GMDS: variants seen among roughly 807,000 people sequenced by gnomAD.
The protein encoded by GMDS is GDP-mannose 4,6 dehydratase.
A neutral mutation model predicts 49.9 loss-of-function variants in GMDS; 20 were observed. The observed-to-expected ratio is 0.40, with a 90% CI of 0.28 to 0.58. The LOEUF (loss-of-function observed/expected upper bound fraction) is 0.58, where lower values mean the gene tolerates loss of function less well. Among genes scored for constraint, GMDS ranks in the 20% least tolerant of loss-of-function variants. The pLI is 0.42. For synonymous variants in GMDS, 177 were observed against 178.6 expected, an observed-to-expected ratio of 0.99 and a Z score of 0.07; for missense variants, 362 against 481.4, an observed-to-expected ratio of 0.75 and a Z score of 2.32.
intron 8 of GMDS, among the ~76,000 whole-genome samples, chr6:1,741,886 T>C (rs1016136175): frequency 2.6e-5 from 3 of 117,404 alleles, no homozygotes; most frequent in Admixed American, 1.7e-4. Flanking sequence ...AAAAGTAAAA[T>C]AAAATAGTAT....
intron 4 of GMDS, among the ~76,000 whole-genome samples, chr6:2,072,332 CCTCGTGAATATTTGAAGAAAAGTAAGATA>C (rs1274840608): frequency 2.0e-5 from 3 of 152,188 alleles, no homozygotes; most frequent in Non-Finnish European, 2.9e-5. Context: ...AACAGTTACT[CCTCGTGAATATTTGAAGAAAAGTAAGATA>C]TCTACAAAGG....
intron 7 of GMDS, among the ~76,000 whole-genome samples, chr6:1,813,674 T>C (rs1397264282): frequency 6.6e-6 from 1 of 152,190 alleles, no homozygotes; most frequent in Admixed American, 6.5e-5. Flanking sequence ...ATGCGACACG[T>C]AAGGTCTTCA....
At chr6:1,738,031 CCACACA>C in intron 8 of GMDS, among the ~76,000 whole-genome samples, 1 of 145,198 alleles carries the variant, frequency 6.9e-6, no homozygotes, top group African/African-American at 2.6e-5. Context: ...CATACACACA[CCACACA>C]CACACACCAC....
At chr6:1,706,396 A>C (rs1191301346) in intron 9 of GMDS, among the ~76,000 whole-genome samples, 1 of 152,128 alleles carries the variant, frequency 6.6e-6, no homozygotes, top group African/African-American at 2.4e-5. Context: ...GGAAGTGTCC[A>C]TGCTGTTCTG....
At chr6:1,713,517 T>TC (rs1481361876) in intron 9 of GMDS, among the ~76,000 whole-genome samples, 2 of 149,404 alleles carry the variant, frequency 1.3e-5, no homozygotes, top group Non-Finnish European at 3.0e-5. Context: ...CTGACGGCCA[T>TC]CCCCATCCTA....
In GMDS at chr6:2,020,000, T is replaced by C. The variant is rs563034302; in HGVS notation, c.346-59034A>G. On this transcript the variant is annotated intron_variant, in intron 4 of 10. Coordinates refer to ENST00000380815, the MANE Select transcript of GMDS (RefSeq NM_001500.4). ...GATTCAATCTGTTAATATTTTGTTTTGGATTTTTGCATCTATTCAGAAAAG... is the reference window on the plus strand; with the variant it reads ...GATTCAATCTGTTAATATTTTGTTTCGGATTTTTGCATCTATTCAGAAAAG... 7.6e-4 allele frequency among the ~76,000 whole-genome samples: 116 copies of C among 152,332 alleles called. 1 individual carries two copies. The highest frequency in any genetic ancestry group is 1.4e-3 in the Non-Finnish European group (98 of 68,034).
At chr6:2,105,076 G>A (rs1202034096) in intron 4 of GMDS, among the ~76,000 whole-genome samples, 1 of 151,688 alleles carries the variant, frequency 6.6e-6, no homozygotes, top group Non-Finnish European at 1.5e-5. Flanking sequence ...CAGCGACTCG[G>A]GAGGCTGAGG....
intron 4 of GMDS, among the ~76,000 whole-genome samples, chr6:2,023,000 T>C (rs957083497): frequency 3.3e-5 from 5 of 152,186 alleles, no homozygotes; most frequent in African/African-American, 1.2e-4. Flanking sequence ...TTTATTTCAT[T>C]AAATACACAG....
intron 1 of GMDS, among the ~76,000 whole-genome samples, chr6:2,240,709 C>G (rs1477131553): frequency 6.6e-6 from 1 of 152,026 alleles, no homozygotes; most frequent in East Asian, 1.9e-4. Context: ...TGAACGGTAC[C>G]TGGCACAAAC....
chr6:1,876,310 C>A (rs1759058681), intron 7 of GMDS, among the ~76,000 whole-genome samples: 1 of 151,998 alleles, frequency 6.6e-6, no homozygotes, highest in South Asian at 2.1e-4. Flanking sequence ...ACTATGTTTT[C>A]TGCTATGCTC....
At chr6:1,678,964 C>T (rs1226698476) in intron 9 of GMDS, among the ~76,000 whole-genome samples, 1 of 152,196 alleles carries the variant, frequency 6.6e-6, no homozygotes, top group African/African-American at 2.4e-5. Context: ...GAATATGATT[C>T]TGACAGCAAA....
chr6:2,205,055 T>C (rs1779738372), intron 1 of GMDS, among the ~76,000 whole-genome samples: 1 of 152,236 alleles, frequency 6.6e-6, no homozygotes, highest in Non-Finnish European at 1.5e-5. Context: ...ATGACATTTA[T>C]TGAGCATTTG....
chr6:2,180,974 T>A (rs938947091), intron 1 of GMDS, among the ~76,000 whole-genome samples: 1 of 152,016 alleles, frequency 6.6e-6, no homozygotes, highest in East Asian at 1.9e-4. Flanking sequence ...GAGACCATCC[T>A]GGCTAAAACA....
At chr6:1,647,521 GAT>G (rs1443432409) in intron 9 of GMDS, among the ~76,000 whole-genome samples, 1 of 152,210 alleles carries the variant, frequency 6.6e-6, no homozygotes, top group Non-Finnish European at 1.5e-5. Context: ...TCTCTCAAGA[GAT>G]ATATTTTGAG....
chr6:1,716,683 C>T (rs907818042), intron 9 of GMDS, among the ~76,000 whole-genome samples: 2 of 152,176 alleles, frequency 1.3e-5, no homozygotes, highest in African/African-American at 4.8e-5. Context: ...CACCCACCCA[C>T]TCCACCTGAC....
chr6:1,688,950 T>G (rs771507567), intron 9 of GMDS, among the ~76,000 whole-genome samples: 2 of 152,182 alleles, frequency 1.3e-5, no homozygotes, highest in Non-Finnish European at 2.9e-5. Flanking sequence ...AAACTGACAT[T>G]AGAGAATGCA....
intron 4 of GMDS, among the ~76,000 whole-genome samples, chr6:2,051,344 C>T (rs1174107811): frequency 3.3e-5 from 5 of 152,206 alleles, no homozygotes; most frequent in African/African-American, 1.2e-4. Context: ...CAGTAGAAAA[C>T]ATAGATATGG....
intron 4 of GMDS, among the ~76,000 whole-genome samples, chr6:2,023,990 C>G (rs1768429753): frequency 6.6e-6 from 1 of 151,860 alleles, no homozygotes; most frequent in African/African-American, 2.4e-5. Flanking sequence ...AAGATTAACC[C>G]ACATCCAGAT....
At chr6:1,988,681 G>C (rs936949439) in intron 4 of GMDS, among the ~76,000 whole-genome samples, 5 of 152,120 alleles carry the variant, frequency 3.3e-5, no homozygotes, top group African/African-American at 1.2e-4. Context: ...GGCCTGATAG[G>C]CTTAAGTATT....
Sources: gnomAD v4.1 joint callset for allele counts (sites outside exome capture counted in the v4.1 genomes callset) on GRCh38, gnomAD v4.1.1 for gene constraint, MANE v1.5 for transcripts, NCBI Gene and HGNC (gene_info 2026-07-23, HGNC 2026-07-21) for gene names.